The following ACVR1 variants were observed in gnomAD, a reference collection of about 807,000 sequenced individuals.
ACVR1 encodes activin A receptor type 1.
A neutral mutation model predicts 57.1 loss-of-function variants in ACVR1; 38 were observed. The observed-to-expected ratio is 0.67, with a 90% CI of 0.51 to 0.87. The LOEUF is 0.87. Among genes scored for constraint, ACVR1 ranks in the 40% least tolerant of loss-of-function variants. ACVR1 has a pLI of 0.00. For synonymous variants in ACVR1, 212 were observed against 228.1 expected (o/e 0.93, Z 0.63); for missense variants, 463 against 638.2 (o/e 0.73, Z 2.96).
At chr2:157,742,797 GC>G in intron 9 of ACVR1, among the ~76,000 whole-genome samples, 1 of 152,230 alleles carries the variant, frequency 6.6e-6, no homozygotes, top group East Asian at 1.9e-4. Context: ...TCAAGATCTT[GC>G]CCCCGAGGTC....
chr2:157,832,032 T>A lies in ACVR1; in HGVS notation c.-182-13473A>T, dbSNP rs1054302904. Among the ~76,000 whole-genome samples the A allele has an allele frequency of 2.6e-5, 4 of 152,348 alleles. No homozygotes were observed. The South Asian group carries it at 8.3e-4, about 32-fold the overall frequency. On this transcript the variant is annotated intron_variant, in intron 1 of 10. Transcript: ENST00000434821. ...ACCTCGAGTACATGCTGGGCTGTAC[T>A]CCTGGACCTAGCTTCACCACCTGGA...
intron 3 of ACVR1, among the ~76,000 whole-genome samples, chr2:157,789,070 G>A (rs770038883): frequency 2.6e-5 from 4 of 152,070 alleles, no homozygotes; most frequent in African/African-American, 9.7e-5. Flanking sequence ...TAATTCTCAG[G>A]TTTAACATAT....
Position 157,766,123 on chromosome 2 carries a change from C to T in ACVR1, c.864G>A (p.Met288Ile). Reference sequence around the variant, plus strand: ...GCTGAAGATAGTCGTACAACGATCCCATTTCATGATAATGTGTAATTAACC... The same window carrying T: ...GCTGAAGATAGTCGTACAACGATCCTATTTCATGATAATGTGTAATTAACC... ...QLWLITHYHE[M>I]GSLYDYLQLT... The change falls in exon 8 of 11, where the codon ATG becomes ATA. Residue 288 changes from methionine (M) to isoleucine (I), a missense_variant. Met to Ile is a conservative substitution (Grantham distance 10). This residue lies in a region of ACVR1 where 114 missense variants were observed against 216.2 expected (regional missense o/e 0.53). Coordinates refer to ENST00000434821, the MANE Select transcript of ACVR1 (RefSeq NM_001111067.4). The T allele has an allele frequency of 1.9e-6, 3 of 1,614,062 alleles. No individual in the cohort carries two copies. The highest frequency in any genetic ancestry group is 1.7e-6 in the Non-Finnish European group (2 of 1,179,966).
At chr2:157,866,296 C>T (rs959166167) in intron 1 of ACVR1, among the ~76,000 whole-genome samples, 6 of 152,076 alleles carry the variant, frequency 3.9e-5, no homozygotes, top group South Asian at 2.1e-4. Context: ...ACAGATTCAC[C>T]GCACTTGGGC....
In ACVR1 at chr2:157,841,918, T is replaced by G. The variant is rs528505375; in HGVS notation, c.-182-23359A>C. On this transcript the variant is annotated intron_variant, in intron 1 of 10. Coordinates refer to ENST00000434821, the MANE Select transcript of ACVR1 (RefSeq NM_001111067.4). ...GGCAGGCGCCTGTAGGGTCAGCTAC[T>G]TGGGAGGGTGAGGCAGGAGAATGGC... 2.8e-3 allele frequency among the ~76,000 whole-genome samples: 422 copies of G among 150,168 alleles called. 1 individual carries two copies. Among genetic ancestry groups the G allele is most frequent in the African/African-American group, 9.5e-3 (389 of 40,766 alleles).
At chr2:157,766,925 T>C (rs2105261743) in intron 7 of ACVR1, among the ~76,000 whole-genome samples, 1 of 152,338 alleles carries the variant, frequency 6.6e-6, no homozygotes, top group East Asian at 1.9e-4. Flanking sequence ...TAATTCAGAC[T>C]AGGTGTTACA....
chr2:157,784,168 G>A (rs561357952), intron 3 of ACVR1, among the ~76,000 whole-genome samples: 1 of 152,244 alleles, frequency 6.6e-6, no homozygotes, highest in Non-Finnish European at 1.5e-5. Context: ...ACATGTGTGG[G>A]CCTGTGATAT....
intron 1 of ACVR1, among the ~76,000 whole-genome samples, chr2:157,848,319 C>T (rs1333026516): frequency 1.3e-5 from 2 of 151,806 alleles, no homozygotes; most frequent in Non-Finnish European, 2.9e-5. Context: ...TTTTGAGACA[C>T]TTGCTCTTGG....
At chr2:157,799,919 G>A (rs1397202842) in intron 2 of ACVR1, among the ~76,000 whole-genome samples, 1 of 152,108 alleles carries the variant, frequency 6.6e-6, no homozygotes, top group Admixed American at 6.5e-5. Context: ...AGGATTAAAC[G>A]ACTGAATAAT....
chr2:157,795,020 C>T (rs1186953903), intron 3 of ACVR1, among the ~76,000 whole-genome samples: 1 of 151,520 alleles, frequency 6.6e-6, no homozygotes, highest in Non-Finnish European at 1.5e-5. Flanking sequence ...AGTACACTAC[C>T]CAACAAAATG....
chr2:157,860,824 C>CTA (rs1241619972), intron 1 of ACVR1, among the ~76,000 whole-genome samples: 1 of 152,112 alleles, frequency 6.6e-6, no homozygotes, highest in East Asian at 1.9e-4. Flanking sequence ...TTACCCCTTC[C>CTA]TACGCTCAAG....
At chr2:157,738,821 T>C (rs1684639402) in intron 9 of ACVR1, among the ~76,000 whole-genome samples, 1 of 152,232 alleles carries the variant, frequency 6.6e-6, no homozygotes, top group Non-Finnish European at 1.5e-5. Context: ...ACTTCTCATG[T>C]AATCATAACT....
At chr2:157,738,635 T>C in intron 9 of ACVR1, 65 bp from the exon 10 acceptor site, 1 of 1,610,534 alleles carries the variant, frequency 6.2e-7, no homozygotes, top group Non-Finnish European at 8.5e-7. Flanking sequence ...AAGGTTTCAT[T>C]GATGGGTGTC....
chr2:157,805,262 A>G (rs902156202), intron 2 of ACVR1, among the ~76,000 whole-genome samples: 7 of 152,340 alleles, frequency 4.6e-5, no homozygotes, highest in Non-Finnish European at 5.9e-5. Flanking sequence ...CTGATGGCCT[A>G]AACTCATTCT....
At chr2:157,848,074 T>C (rs1202346841) in intron 1 of ACVR1, among the ~76,000 whole-genome samples, 1 of 152,188 alleles carries the variant, frequency 6.6e-6, no homozygotes, top group Non-Finnish European at 1.5e-5. Context: ...GGTGAGATCC[T>C]GTAACTGAAA....
intron 2 of ACVR1, among the ~76,000 whole-genome samples, chr2:157,802,145 G>C (rs1327796389): frequency 6.6e-6 from 1 of 152,144 alleles, no homozygotes; most frequent in Non-Finnish European, 1.5e-5. Flanking sequence ...CATCTGAAAA[G>C]AATCAGGAAT....
At chr2:157,818,935 G>A (rs924143245) in intron 1 of ACVR1, among the ~76,000 whole-genome samples, 12 of 151,100 alleles carry the variant, frequency 7.9e-5, no homozygotes, top group South Asian at 4.2e-4. Flanking sequence ...AAAATTAGCC[G>A]GGCGTAGTGG....
chr2:157,774,221 T>A, intron 5 of ACVR1, 34 bp from the exon 6 acceptor site: 1 of 1,555,178 alleles, frequency 6.4e-7, no homozygotes, highest in Non-Finnish European at 8.9e-7. Flanking sequence ...AAGAAACGAT[T>A]GAGCAATATA....
At chr2:157,829,475 G>A (rs921641845) in intron 1 of ACVR1, among the ~76,000 whole-genome samples, 4 of 152,162 alleles carry the variant, frequency 2.6e-5, no homozygotes, top group Non-Finnish European at 1.5e-5. Context: ...ACGCTCACTA[G>A]TGCCTCTCCT....
Sources: gnomAD v4.1 joint callset for allele counts (sites outside exome capture counted in the v4.1 genomes callset) on GRCh38, gnomAD v4.1.1 for gene constraint, gnomAD v4.1.1 regional missense constraint, MANE v1.5 for transcripts, NCBI Gene and HGNC (gene_info 2026-07-23, HGNC 2026-07-21) for gene names.